The following ANKRD54 variants were observed in gnomAD, a reference collection of about 807,000 sequenced individuals.
The protein encoded by ANKRD54 is ankyrin repeat domain-containing protein 54.
Under a neutral mutation model 36.2 loss-of-function variants are expected in ANKRD54, and 26 were observed. The observed-to-expected ratio is 0.72, with a 90% CI of 0.53 to 1.00. ANKRD54 has a LOEUF of 1.00. Among genes scored for constraint, ANKRD54 ranks in the 50% least tolerant of loss-of-function variants. The pLI is 0.00. For missense variants in ANKRD54, 384 were observed against 424.3 expected (o/e 0.91, Z 0.83); for synonymous variants, 209 against 188.4 (o/e 1.11, Z -0.89).
rs1410147216 is a variant in ANKRD54 at position 37,831,288 on chromosome 22, A to G, written c.*655T>C. 1 of 152,224 alleles carries G rather than the reference A, an allele frequency of 6.6e-6. No homozygotes were observed. The highest frequency in any genetic ancestry group is 1.5e-5 in the Non-Finnish European group (1 of 68,074). The allele number at this position is 152,224 out of a possible 1,614,324, so 9.4% of individuals were successfully genotyped here. On this transcript the variant is annotated 3_prime_UTR_variant, in exon 8 of 8. Transcript: ENST00000215941. ...CCTACCACAACTGGGCAGCAAAACTATTACACCCTCCGGTATAATAGTTTT... is the reference window on the plus strand; with the variant it reads ...CCTACCACAACTGGGCAGCAAAACTGTTACACCCTCCGGTATAATAGTTTT...
Position 37,844,245 on chromosome 22 carries a change from G to A in ANKRD54, c.-7C>T. The stretch of plus-strand genomic sequence containing the variant: ...CCCCGGCGGCGGCTGCCATGGCAAC[G>A]GCTCCGCGCGGGCCTGGCCGCCTGA... On this transcript the variant is annotated 5_prime_UTR_variant, in exon 1 of 8. Coordinates refer to ENST00000215941, the MANE Select transcript of ANKRD54 (RefSeq NM_138797.4). The A allele has an allele frequency of 6.5e-7, 1 of 1,547,186 alleles. No homozygotes were observed.
At chr22:37,835,101 G>A (rs1389081260) in intron 3 of ANKRD54, among the ~76,000 whole-genome samples, 2 of 151,982 alleles carry the variant, frequency 1.3e-5, no homozygotes, top group South Asian at 2.1e-4. Flanking sequence ...AGGAGCTCAC[G>A]CCTGTAATCC....
chr22:37,833,795 C>G, intron 3 of ANKRD54, 40 bp from the exon 4 acceptor site: 1 of 1,598,436 alleles, frequency 6.3e-7, no homozygotes, highest in Non-Finnish European at 8.6e-7. Context: ...TCGGAGGCTT[C>G]CATTGCCTGC....
intron 3 of ANKRD54, 133 bp from the exon 4 acceptor site, chr22:37,833,888 T>C (rs577934965): frequency 1.3e-6 from 1 of 748,680 alleles, no homozygotes; most frequent in East Asian, 2.7e-5. Flanking sequence ...TGTTACTTCA[T>C]TCATTCACTC....
At chr22:37,847,516 G>C (rs530785044), upstream of ANKRD54, among the ~76,000 whole-genome samples, 1 of 152,210 alleles carries the variant, frequency 6.6e-6, no homozygotes, top group South Asian at 2.1e-4. Context: ...AAGTTAGCTC[G>C]GTTCGAGCCA....
At position 37,840,354 on chromosome 22, in the gene ANKRD54, C is replaced by G. The variant is rs145655126; in HGVS notation, c.329-120G>C. On this transcript the variant is annotated intron_variant, in intron 1 of 7. Transcript: ENST00000215941. ...CAGGCAGATCACAAGGTCAGGAGATCGAGACCATCCTGGCTAACATGGTGA... is the reference window on the plus strand; with the variant it reads ...CAGGCAGATCACAAGGTCAGGAGATGGAGACCATCCTGGCTAACATGGTGA... 1.5e-3 allele frequency: 1,537 copies of G among 1,026,280 alleles called. 11 individuals carry two copies. The African/African-American group carries it at 0.022, about 15-fold the overall frequency. 63.6% of individuals were successfully genotyped at this position (1,026,280 alleles called of 1,614,324 possible). A position where few individuals can be genotyped will look rare whatever the true frequency, so the allele number is the denominator to read the frequency against.
chr22:37,843,377 G>A (rs967466055), intron 1 of ANKRD54, among the ~76,000 whole-genome samples: 15 of 151,970 alleles, frequency 9.9e-5, no homozygotes, highest in Non-Finnish European at 4.4e-5. Flanking sequence ...GAACCAAGAT[G>A]GCGCCACTGC....
At chr22:37,839,609 G>A (rs570181352) in intron 2 of ANKRD54, among the ~76,000 whole-genome samples, 6 of 152,022 alleles carry the variant, frequency 3.9e-5, no homozygotes, top group African/African-American at 1.2e-4. Context: ...GGATGGTCTC[G>A]ATCTCCTAAC....
At chr22:37,839,724 T>C (rs752780126) in intron 2 of ANKRD54, among the ~76,000 whole-genome samples, 1 of 152,022 alleles carries the variant, frequency 6.6e-6, no homozygotes, top group Non-Finnish European at 1.5e-5. Context: ...CTCCCTATGT[T>C]GTCCAGGCTG....
intron 2 of ANKRD54, among the ~76,000 whole-genome samples, chr22:37,838,853 C>T (rs1281663460): frequency 6.6e-6 from 1 of 152,066 alleles, no homozygotes; most frequent in Non-Finnish European, 1.5e-5. Flanking sequence ...AGGTTCAAGG[C>T]CCTCAGGGTC....
intron 1 of ANKRD54, among the ~76,000 whole-genome samples, chr22:37,842,339 C>T (rs1452866923): frequency 6.6e-6 from 1 of 152,212 alleles, no homozygotes; most frequent in Non-Finnish European, 1.5e-5. Context: ...CATCCTCCTG[C>T]AAATCCTCCA....
At chr22:37,841,118 G>A (rs921468183) in intron 1 of ANKRD54, among the ~76,000 whole-genome samples, 9 of 148,092 alleles carry the variant, frequency 6.1e-5, no homozygotes, top group East Asian at 4.0e-4. Flanking sequence ...ATGGCTGGGC[G>A]CAGTGGCTCA....
In ANKRD54 at chr22:37,831,803, C is replaced by T. The variant is rs1922910347; in HGVS notation, c.*140G>A. 3 of 792,414 alleles carry T rather than the reference C, an allele frequency of 3.8e-6. No homozygotes were observed. The South Asian group carries it at 5.2e-5, about 14-fold the overall frequency. 49.1% of individuals were successfully genotyped at this position (792,414 alleles called of 1,614,324 possible). A position where few individuals can be genotyped will look rare whatever the true frequency, so the allele number is the denominator to read the frequency against. ...AGGCCGTGGAGAGAGAGCATCTCTG[C>T]CCCACGGCATCTGCGGGTGAGGGCA... On this transcript the variant is annotated 3_prime_UTR_variant, in exon 8 of 8. Coordinates refer to ENST00000215941, the MANE Select transcript of ANKRD54 (RefSeq NM_138797.4).
At position 37,841,531 on chromosome 22, in the gene ANKRD54, AACACAC is replaced by A. The variant is rs754859182; in HGVS notation, c.329-1303_329-1298del. 4.3e-3 allele frequency among the ~76,000 whole-genome samples: 612 copies of A among 141,036 alleles called. 2 individuals carry two copies. The highest frequency in any genetic ancestry group is 7.0e-3 in the Non-Finnish European group (456 of 65,072). 92.5% of individuals were successfully genotyped at this position (141,036 alleles called of 152,430 possible). On this transcript the variant is annotated intron_variant, in intron 1 of 7. Transcript: ENST00000215941. ...ACAGAGTGAGACTCTGTCTCACACA[AACACAC>A]ACACACACACACACACACACAAAAA...
At chr22:37,837,226 C>T (rs1174689651) in intron 3 of ANKRD54, among the ~76,000 whole-genome samples, 1 of 151,870 alleles carries the variant, frequency 6.6e-6, no homozygotes, top group Non-Finnish European at 1.5e-5. Context: ...GTCAGTACAT[C>T]CCTTTTGGGA....
intron 3 of ANKRD54, among the ~76,000 whole-genome samples, 190 bp downstream of exon 3, chr22:37,838,310 G>T (rs1923793206): frequency 6.6e-6 from 1 of 152,150 alleles, no homozygotes; most frequent in South Asian, 2.1e-4. Flanking sequence ...GGTTTACCCT[G>T]CCCCAGTCTA....
Position 37,833,217 on chromosome 22 carries a change from A to C in ANKRD54, c.548-11T>G. The C allele has an allele frequency of 6.2e-7, 1 of 1,613,266 alleles. No individual in the cohort carries two copies. Among genetic ancestry groups the C allele is most frequent in the Non-Finnish European group, 8.5e-7 (1 of 1,179,896 alleles). On this transcript the variant is annotated splice_polypyrimidine_tract_variant and intron_variant, in intron 4 of 7. Coordinates refer to ENST00000215941, the MANE Select transcript of ANKRD54 (RefSeq NM_138797.4). The stretch of plus-strand genomic sequence containing the variant: ...GGTTGGTGCAGGCCGCTGAGGAAGA[A>C]CAACAGAGACTTAAGAATCCAGGAC...
upstream of ANKRD54, chr22:37,844,401 C>T (rs752592396): frequency 2.6e-4 from 176 of 672,950 alleles, 1 homozygote; most frequent in Admixed American, 3.0e-4. Context: ...GACAGAGCGG[C>T]GAACCAATGA....
rs137882073 is a variant in ANKRD54, at chr22:37,841,571, C to T, written c.329-1337G>A. 6.1e-3 allele frequency among the ~76,000 whole-genome samples: 905 copies of T among 149,240 alleles called. 9 individuals are homozygous for T. The highest frequency in any genetic ancestry group is 0.021 in the African/African-American group (847 of 40,444). On this transcript the variant is annotated intron_variant, in intron 1 of 7. Coordinates refer to ENST00000215941, the MANE Select transcript of ANKRD54 (RefSeq NM_138797.4). The stretch of plus-strand genomic sequence containing the variant: ...ACACACACACACAAAAAACATAGGC[C>T]GGGCACAGTGGCTCACGCCTGTAAT...
Sources: allele counts gnomAD v4.1 joint callset (sites outside exome capture counted in the v4.1 genomes callset), GRCh38; gene constraint gnomAD v4.1.1; transcripts MANE v1.5; gene names NCBI Gene and HGNC (gene_info 2026-07-23, HGNC 2026-07-21).